The following RNF150 variants were observed in gnomAD, a reference collection of about 807,000 sequenced individuals.
RNF150 encodes ring finger protein 150.
In RNF150, 24 loss-of-function variants were observed where a neutral mutation model predicts 39.3. The observed-to-expected ratio is 0.61, with a 90% confidence interval of 0.44 to 0.86. RNF150 has a LOEUF of 0.86. Ranked by LOEUF, RNF150 falls within the 40% of genes least tolerant of loss-of-function variation. The pLI is 0.00. For missense variants in RNF150, 502 were observed against 587.8 expected, an observed-to-expected ratio of 0.85 and a Z score of 1.51; for synonymous variants, 255 against 227.3, an observed-to-expected ratio of 1.12 and a Z score of -1.10.
intron 1 of RNF150, among the ~76,000 whole-genome samples, chr4:141,042,175 T>C (rs1736398303): frequency 6.6e-6 from 1 of 152,042 alleles, no homozygotes; most frequent in African/African-American, 2.4e-5. Context: ...AACCGAACAA[T>C]TGCTAGTGAA....
chr4:141,098,622 C>A (rs72933054), intron 1 of RNF150, among the ~76,000 whole-genome samples: 3,247 of 152,290 alleles, frequency 0.021, 102 homozygotes, highest in African/African-American at 0.064. Context: ...TTTTCCAATG[C>A]CTATATTCTG....
At chr4:141,052,512 A>G (rs928871862) in intron 1 of RNF150, among the ~76,000 whole-genome samples, 2 of 151,982 alleles carry the variant, frequency 1.3e-5, no homozygotes, top group Non-Finnish European at 2.9e-5. Flanking sequence ...AGTAGCTAGG[A>G]CTATAGGCAT....
chr4:141,168,364 AC>A (rs1383931977), intron 1 of RNF150, among the ~76,000 whole-genome samples: 11 of 152,248 alleles, frequency 7.2e-5, no homozygotes, highest in Admixed American at 7.2e-4. Flanking sequence ...AAATTAGTCA[AC>A]CATTGTGGAA....
intron 1 of RNF150, among the ~76,000 whole-genome samples, chr4:141,034,375 T>C (rs1736064307): frequency 6.6e-6 from 1 of 152,182 alleles, no homozygotes; most frequent in Non-Finnish European, 1.5e-5. Flanking sequence ...TAAGGGAATG[T>C]TGTAGCTGGT....
rs1728543399 is a variant in RNF150 at position 140,862,792 on chromosome 4, G to C, written c.*5469C>G. ...AAAAATACAAACTCCCCAAAACCCA[G>C]GTCAGCTCTAAACCTAGGGATGAGC... is the stretch of plus-strand genomic sequence containing the variant. On this transcript the variant is annotated 3_prime_UTR_variant, in exon 7 of 7. Coordinates refer to ENST00000515673, the MANE Select transcript of RNF150 (RefSeq NM_020724.2). 6.6e-6 allele frequency: 1 copy of C among 152,110 alleles called. No homozygotes were observed. The highest frequency in any genetic ancestry group is 2.1e-4 in the South Asian group (1 of 4,826). The allele number at this position is 152,110 out of a possible 1,614,324, so 9.4% of individuals were successfully genotyped here. A position where few individuals can be genotyped will look rare whatever the true frequency, so the allele number is the denominator to read the frequency against.
intron 2 of RNF150, 91 bp downstream of exon 2, chr4:140,967,532 G>C: frequency 8.1e-7 from 1 of 1,234,624 alleles, no homozygotes; most frequent in Non-Finnish European, 1.1e-6. Context: ...GGATATTTTG[G>C]TTTTGGCTTG....
At chr4:140,935,049 A>ATG (rs1731802057) in intron 4 of RNF150, among the ~76,000 whole-genome samples, 2 of 54,154 alleles carry the variant, frequency 3.7e-5, no homozygotes, top group East Asian at 8.5e-4. Flanking sequence ...ATATATAAAT[A>ATG]TATATATTAT....
At chr4:141,172,844 G>T (rs987571457) in intron 1 of RNF150, among the ~76,000 whole-genome samples, 1 of 152,134 alleles carries the variant, frequency 6.6e-6, no homozygotes, top group Non-Finnish European at 1.5e-5. Flanking sequence ...GGCCAACATA[G>T]TGAAACCCCA....
chr4:140,944,247 G>A (rs1028272719), intron 4 of RNF150, among the ~76,000 whole-genome samples: 23 of 152,188 alleles, frequency 1.5e-4, no homozygotes, highest in African/African-American at 5.5e-4. Flanking sequence ...AAAATATAGT[G>A]TAATGCATAT....
Position 141,018,378 on chromosome 4 carries a change from T to C in RNF150, c.485-50505A>G, listed in dbSNP as rs1281760991. Among the ~76,000 whole-genome samples, 5 of 152,258 alleles carry C rather than the reference T, an allele frequency of 3.3e-5. No individual in the cohort carries two copies. In the East Asian group the frequency reaches 7.7e-4, roughly 24 times the overall value. ...AAACTTGATGCCCTCAACTACACTA[T>C]ACAGTGTCTAAATAGACAATACCAT... On this transcript the variant is annotated intron_variant, in intron 1 of 6. Coordinates refer to ENST00000515673, the MANE Select transcript of RNF150 (RefSeq NM_020724.2).
intron 1 of RNF150, among the ~76,000 whole-genome samples, chr4:141,153,794 T>C (rs1727339455): frequency 6.6e-6 from 1 of 152,206 alleles, no homozygotes; most frequent in African/African-American, 2.4e-5. Context: ...CTAACCTGTC[T>C]TTGAAACTTT....
At chr4:141,064,995 A>G (rs1246612904) in intron 1 of RNF150, among the ~76,000 whole-genome samples, 1 of 152,186 alleles carries the variant, frequency 6.6e-6, no homozygotes, top group Non-Finnish European at 1.5e-5. Context: ...CCTCCCAAGT[A>G]GCTGGGATCA....
At chr4:141,056,751 C>T (rs1238908072) in intron 1 of RNF150, among the ~76,000 whole-genome samples, 2 of 152,026 alleles carry the variant, frequency 1.3e-5, no homozygotes, top group African/African-American at 4.8e-5. Context: ...TCTTCCCCTT[C>T]CCATCTGGGA....
At chr4:141,024,561 A>C (rs1305846093) in intron 1 of RNF150, among the ~76,000 whole-genome samples, 1 of 152,158 alleles carries the variant, frequency 6.6e-6, no homozygotes, top group African/African-American at 2.4e-5. Flanking sequence ...TAAAAACAAA[A>C]TGAGAAAACA....
chr4:140,940,401 G>GTGTATAACACACAC (rs527591342), intron 4 of RNF150, among the ~76,000 whole-genome samples: 67 of 152,238 alleles, frequency 4.4e-4, no homozygotes, highest in African/African-American at 1.5e-3. Context: ...GTGTGTGTGT[G>GTGTATAACACACAC]TGTGTGTGTA....
chr4:141,200,979 A>T (rs1578794392), intron 1 of RNF150, among the ~76,000 whole-genome samples: 1 of 152,192 alleles, frequency 6.6e-6, no homozygotes, highest in Non-Finnish European at 1.5e-5. Flanking sequence ...CAGAAACCCA[A>T]TCTCAACTAG....
chr4:141,149,329 C>T (rs1173876651), intron 1 of RNF150, among the ~76,000 whole-genome samples: 1 of 151,900 alleles, frequency 6.6e-6, no homozygotes, highest in Non-Finnish European at 1.5e-5. Flanking sequence ...TTTTGGTGCA[C>T]CCAGCACCCC....
chr4:140,899,896 G>A (rs1730111731), intron 6 of RNF150, among the ~76,000 whole-genome samples: 1 of 149,194 alleles, frequency 6.7e-6, no homozygotes, highest in Admixed American at 6.7e-5. Context: ...GAGTGAGTTA[G>A]ATATTTCTGT....
intron 1 of RNF150, among the ~76,000 whole-genome samples, chr4:141,028,578 CAAAGA>C (rs1253960697): frequency 6.6e-6 from 1 of 152,034 alleles, no homozygotes; most frequent in Non-Finnish European, 1.5e-5. Flanking sequence ...CACTGAAAAA[CAAAGA>C]AAAGAAAGCA....
Sources: gnomAD v4.1 joint callset for allele counts (sites outside exome capture counted in the v4.1 genomes callset) on GRCh38, gnomAD v4.1.1 for gene constraint, MANE v1.5 for transcripts, NCBI Gene and HGNC (gene_info 2026-07-23, HGNC 2026-07-21) for gene names.